EML2: variants seen among roughly 807,000 people sequenced by gnomAD.
EML2 encodes the protein EMAP like 2.
Under a neutral mutation model 84.7 loss-of-function variants are expected in EML2, and 59 were observed. The observed-to-expected ratio is 0.70, with a 90% CI of 0.56 to 0.86. EML2 has a LOEUF of 0.86. Ranked by LOEUF, EML2 falls within the 40% of genes least tolerant of loss-of-function variation. EML2 has a pLI of 0.00. For missense variants in EML2, 818 were observed against 855.6 expected, an observed-to-expected ratio of 0.96 and a Z score of 0.55; for synonymous variants, 352 against 348.9, an observed-to-expected ratio of 1.01 and a Z score of -0.10.
chr19:45,633,999 G>A (rs918718427), intron 4 of EML2, among the ~76,000 whole-genome samples: 4 of 152,260 alleles, frequency 2.6e-5, no homozygotes, highest in African/African-American at 9.6e-5. Context: ...CACCCAGGCT[G>A]GAGTGTGGTG....
In EML2 at chr19:45,632,708, G is replaced by T. The variant is rs1234813991; in HGVS notation, c.510+153C>A. On this transcript the variant is annotated intron_variant, in intron 6 of 18. Coordinates refer to ENST00000245925, the MANE Select transcript of EML2 (RefSeq NM_012155.4). ...GCACGGTGACTCACCCGCCCCTTGG[G>T]GTGAGGACACGCCCTCATTGTGACG... 9.2e-6 allele frequency: 6 copies of T among 653,594 alleles called. No homozygotes were observed. In the East Asian group the frequency reaches 1.7e-4, roughly 18 times the overall value. 40.5% of individuals were successfully genotyped at this position (653,594 alleles called of 1,614,324 possible).
At chr19:45,617,171 G>A (rs1971187554) in intron 13 of EML2, among the ~76,000 whole-genome samples, 1 of 151,838 alleles carries the variant, frequency 6.6e-6, no homozygotes, top group South Asian at 2.1e-4. Flanking sequence ...GCTTGAACCC[G>A]GGAGGCAGAG....
rs1545040 is a variant in EML2, at chr19:45,626,741, C to T, written c.705G>A (p.Glu235=). ...GKSHIYFWTL[E]GGSLSKRQGL... ...CTTGCCGCTTGCTCAAGCTGCCCCC[C>T]TCCAAGGTCCAGAAGTAGATGTGAG... The change falls in exon 8 of 19, where the codon GAG becomes GAA. Residue 235 remains glutamate (E), a synonymous_variant. Coordinates refer to ENST00000245925, the MANE Select transcript of EML2 (RefSeq NM_012155.4). 3 of 1,613,610 alleles carry T rather than the reference C, an allele frequency of 1.9e-6. No individual in the cohort carries two copies. The highest frequency in any genetic ancestry group is 1.3e-5 in the African/African-American group (1 of 74,770).
intron 9 of EML2, 76 bp from the exon 10 acceptor site, chr19:45,621,713 C>A: frequency 6.9e-7 from 1 of 1,443,116 alleles, no homozygotes; most frequent in Non-Finnish European, 9.4e-7. Flanking sequence ...CTTGAACTCT[C>A]AAGCCTATGT....
rs776698666 is a variant in EML2, at chr19:45,624,737, G to A, written c.823C>T (p.Leu275Phe). Residue 275 changes from leucine (L) to phenylalanine (F), a missense_variant, in exon 9 of 19, where the codon CTC becomes TTC. Physicochemically the swap from Leu to Phe is conservative, Grantham distance 22. Coordinates refer to ENST00000245925, the MANE Select transcript of EML2 (RefSeq NM_012155.4). ...DVVTGDSGGN[L>F]YVWGKGGNRI... Reference sequence around the variant, plus strand: ...CACTGACCTTTGCCCCAAACATAGAGGTTCCCCCCAGAGTCCCCCGTGACC... The same window carrying A: ...CACTGACCTTTGCCCCAAACATAGAAGTTCCCCCCAGAGTCCCCCGTGACC... 2.5e-6 allele frequency: 4 copies of A among 1,613,602 alleles called. No individual in the cohort carries two copies. In the South Asian group the frequency reaches 3.3e-5, roughly 13 times the overall value.
In EML2 at chr19:45,626,205, T is replaced by C. The variant is rs568087097; in HGVS notation, c.741+500A>G. 2.6e-5 allele frequency among the ~76,000 whole-genome samples: 4 copies of C among 151,122 alleles called. No individual in the cohort carries two copies. In the South Asian group the frequency reaches 8.4e-4, roughly 32 times the overall value. On this transcript the variant is annotated intron_variant, in intron 8 of 18. Transcript: ENST00000245925. ...TTTTGTATTTTTTGTAGATATGAGG[T>C]CTCACCATGTTCCCCAGGCTGGTCT...
intron 3 of EML2, among the ~76,000 whole-genome samples, chr19:45,638,273 C>G (rs558077907): frequency 6.6e-6 from 1 of 152,216 alleles, no homozygotes; most frequent in African/African-American, 2.4e-5. Flanking sequence ...CTCCAGAGCC[C>G]GGGCTTCCAG....
At chr19:45,634,265 GC>G in intron 4 of EML2, 56 bp downstream of exon 4, 6 of 1,606,688 alleles carry the variant, frequency 3.7e-6, no homozygotes, top group Non-Finnish European at 5.1e-6. Context: ...AGGGGCAGGG[GC>G]TGGAGCTCCA....
At chr19:45,631,342 T>G (rs1159437800) in intron 6 of EML2, among the ~76,000 whole-genome samples, 1 of 152,130 alleles carries the variant, frequency 6.6e-6, no homozygotes, top group Admixed American at 6.6e-5. Flanking sequence ...ACTGGCTGTT[T>G]TTTACTCCCT....
chr19:45,628,824 A>AAAGTAAGTAAGTAAGT (rs11288209), intron 7 of EML2: 8 of 147,416 alleles, frequency 5.4e-5, no homozygotes, highest in African/African-American at 1.8e-4. Flanking sequence ...ACTCCGTCTC[A>AAAGTAAGTAAGTAAGT]AAGTAAGTAA....
At chr19:45,645,299 G>A (rs1215106411), upstream of EML2, 5 of 1,533,492 alleles carry the variant, frequency 3.3e-6, no homozygotes, top group Admixed American at 3.9e-5. Flanking sequence ...CAGCGAGGAC[G>A]TGTCGTACAG....
intron 7 of EML2, among the ~76,000 whole-genome samples, chr19:45,629,347 C>T (rs562277785): frequency 5.6e-4 from 84 of 151,076 alleles, no homozygotes; most frequent in African/African-American, 1.7e-3. Context: ...GTTTTTGAGA[C>T]GGAGTTTAGC....
upstream of EML2, chr19:45,643,822 C>CA: frequency 1.4e-6 from 2 of 1,397,288 alleles, no homozygotes; most frequent in Non-Finnish European, 1.9e-6. Context: ...AGGTCCGGTG[C>CA]CTGGACCTGC....
At position 45,621,533 on chromosome 19, in the gene EML2, G is replaced by C. The variant is rs777780487; in HGVS notation, c.946C>G (p.Arg316Gly). 6.2e-7 allele frequency: 1 copy of C among 1,612,932 alleles called. No individual in the cohort carries two copies. Among genetic ancestry groups the C allele is most frequent in the Non-Finnish European group, 8.5e-7 (1 of 1,179,976 alleles). Reference protein sequence around the residue: ...GTLVSGGGRDRRVVLWGSDYS... With the variant: ...GTLVSGGGRDGRVVLWGSDYS... ...TCAGAACCCCAGAGGACCACCCGCC[G>C]ATCACGGCCCCCTCCAGACACCAGC... The change falls in exon 10 of 19, where the codon CGG becomes GGG. Residue 316 changes from arginine to glycine, a missense_variant. By Grantham distance (125) the Arg-to-Gly change is moderately radical. Coordinates refer to ENST00000245925, the MANE Select transcript of EML2 (RefSeq NM_012155.4).
chr19:45,645,131 G>T, upstream of EML2: 3 of 958,746 alleles, frequency 3.1e-6, no homozygotes, highest in Non-Finnish European at 4.5e-6. Context: ...CCTTGCTCTT[G>T]GGTCAGGGTC....
At chr19:45,617,243 C>T (rs374076444) in intron 13 of EML2, among the ~76,000 whole-genome samples, 3 of 150,604 alleles carry the variant, frequency 2.0e-5, no homozygotes, top group Admixed American at 6.6e-5. Flanking sequence ...AAGACTCTGT[C>T]CCCCCAAAAA....
Position 45,638,525 on chromosome 19 carries a change from G to T in EML2, c.159C>A (p.Cys53Ter), listed in dbSNP as rs750801002. ...SLDTRSELPS[C>*]RLKLEWVYGY... The stretch of plus-strand genomic sequence containing the variant: ...GATACACCCACTCCAGCTTGAGCCG[G>T]CAAGAAGGCAGCTCCGAGCGTGTGT... The change falls in exon 3 of 19, where the codon TGC becomes TGA. Residue 53 changes from cysteine (C) to a stop codon, truncating the protein, a stop_gained. Transcript: ENST00000245925. LOFTEE classifies it high-confidence loss of function. 6.2e-7 allele frequency: 1 copy of T among 1,614,060 alleles called. No individual in the cohort carries two copies. The highest frequency in any genetic ancestry group is 2.2e-5 in the East Asian group (1 of 44,882).
Position 45,627,698 on chromosome 19 carries a change from C to A in EML2, c.607-859G>T, listed in dbSNP as rs140414392. ...AGCACTGTGCTCAACATTTTACAAT[C>A]ATTAGCTCCTTTAATCCTCCATCTC... On this transcript the variant is annotated intron_variant, in intron 7 of 18. Coordinates refer to ENST00000245925, the MANE Select transcript of EML2 (RefSeq NM_012155.4). Among the ~76,000 whole-genome samples, 700 of 152,336 alleles carry A rather than the reference C, an allele frequency of 4.6e-3. 6 individuals carry two copies. Among genetic ancestry groups the A allele is most frequent in the African/African-American group, 0.016 (669 of 41,582 alleles).
At chr19:45,622,648 C>G (rs1423008844) in intron 9 of EML2, among the ~76,000 whole-genome samples, 1 of 152,146 alleles carries the variant, frequency 6.6e-6, no homozygotes, top group East Asian at 1.9e-4. Flanking sequence ...CCGGGCTGGT[C>G]TCGAACTCTT....
Sources: allele counts gnomAD v4.1 joint callset (sites outside exome capture counted in the v4.1 genomes callset), GRCh38; gene constraint gnomAD v4.1.1; transcripts MANE v1.5; gene names NCBI Gene and HGNC (gene_info 2026-07-23, HGNC 2026-07-21).